Variants in PAX2 observed in about 807,000 individuals in gnomAD.
PAX2 encodes paired box protein Pax-2.
In PAX2, 9 loss-of-function variants were observed where a neutral mutation model predicts 41.7. That is an observed-to-expected ratio of 0.22 (90% confidence interval 0.13 to 0.38). The LOEUF (loss-of-function observed/expected upper bound fraction) is 0.38, where lower values mean the gene tolerates loss of function less well. Ranked by LOEUF, PAX2 falls within the 10% of genes least tolerant of loss-of-function variation. PAX2 has a pLI of 1.00. For missense variants in PAX2, 418 were observed against 531.6 expected (o/e 0.79, Z 2.10); for synonymous variants, 221 against 212.7 (o/e 1.04, Z -0.34).
chr10:100,737,701 CTT>C (rs1159169803), intron 1 of PAX2, among the ~76,000 whole-genome samples: 2 of 152,258 alleles, frequency 1.3e-5, no homozygotes, highest in Non-Finnish European at 2.9e-5. Context: ...TCCCTCATCT[CTT>C]CGGTAGCCAC....
intron 1 of PAX2, among the ~76,000 whole-genome samples, chr10:100,739,283 C>G (rs1844870879): frequency 6.6e-6 from 1 of 152,206 alleles, no homozygotes; most frequent in South Asian, 2.1e-4. Context: ...GGTCCTTTGT[C>G]TCCAGCCACC....
In PAX2 at chr10:100,824,905, C is replaced by T; in HGVS notation, c.1021+156C>T. On this transcript the variant is annotated intron_variant, in intron 8 of 9. Coordinates refer to ENST00000355243, the MANE Select transcript of PAX2 (RefSeq NM_000278.5). The surrounding 1 kb of genome is among the most constrained non-coding windows in gnomAD (Gnocchi z 6.6). ...TTCTGTCCCTCTCTCTCCTTAGAGG[C>T]TGCAGTTGGTCCCTCATCCTCCCTC... is the stretch of plus-strand genomic sequence containing the variant. 4 of 1,613,566 alleles carry T rather than the reference C, an allele frequency of 2.5e-6. No individual in the cohort carries two copies. The highest frequency in any genetic ancestry group is 2.5e-6 in the Non-Finnish European group (3 of 1,179,444).
intron 5 of PAX2, among the ~76,000 whole-genome samples, chr10:100,801,111 T>C (rs1847547515): frequency 6.6e-6 from 1 of 152,176 alleles, no homozygotes; most frequent in South Asian, 2.1e-4. Flanking sequence ...GCAGCCACTC[T>C]GTCCGTCTAT....
chr10:100,739,004 C>T (rs1460518447), intron 1 of PAX2, among the ~76,000 whole-genome samples: 15 of 129,450 alleles, frequency 1.2e-4, no homozygotes, highest in Non-Finnish European at 2.0e-4. Context: ...CCGTCGCGCG[C>T]GCGCACGCGG....
chr10:100,821,528 C>G (rs2133979323), intron 7 of PAX2, among the ~76,000 whole-genome samples: 1 of 152,382 alleles, frequency 6.6e-6, no homozygotes, highest in South Asian at 2.1e-4. Flanking sequence ...GCCTTTCAAT[C>G]AGCTGTTCAG....
At chr10:100,808,639 C>T (rs1405487356) in intron 6 of PAX2, among the ~76,000 whole-genome samples, 1 of 151,998 alleles carries the variant, frequency 6.6e-6, no homozygotes, top group African/African-American at 2.4e-5. Flanking sequence ...GCCCATGGGG[C>T]TGTCATTGTT....
At chr10:100,786,710 C>T (rs571480494) in intron 5 of PAX2, among the ~76,000 whole-genome samples, 1 of 152,170 alleles carries the variant, frequency 6.6e-6, no homozygotes, top group Non-Finnish European at 1.5e-5. Context: ...ATCACCCTAC[C>T]TTCTGCTGAT....
At chr10:100,780,633 A>G (rs1156686149) in intron 4 of PAX2, among the ~76,000 whole-genome samples, 1 of 152,208 alleles carries the variant, frequency 6.6e-6, no homozygotes, top group African/African-American at 2.4e-5. Flanking sequence ...GGAGTTTCTC[A>G]AGTGATTTCA....
chr10:100,789,662 G>A (rs985196966), intron 5 of PAX2, among the ~76,000 whole-genome samples: 2 of 152,136 alleles, frequency 1.3e-5, no homozygotes, highest in Admixed American at 6.5e-5. Context: ...GTCCAAGAAA[G>A]AGCTGAGGTT....
chr10:100,791,383 C>T lies in PAX2; in HGVS notation c.616+10018C>T, dbSNP rs368805979. 9.2e-5 allele frequency among the ~76,000 whole-genome samples: 14 copies of T among 152,256 alleles called. No homozygotes were observed. The East Asian group carries it at 1.7e-3, about 19-fold the overall frequency. On this transcript the variant is annotated intron_variant, in intron 5 of 9. Transcript: ENST00000355243. This position sits in a 1 kb window ranked among gnomAD's most constrained non-coding sequence, Gnocchi z 4.5. ...ATGTGTGTACATGTGTATGTGTGTGCATGTGTGTAAGGTTGGGGTACACAC... is the reference window on the plus strand; with the variant it reads ...ATGTGTGTACATGTGTATGTGTGTGTATGTGTGTAAGGTTGGGGTACACAC...
At position 100,745,873 on chromosome 10, in the gene PAX2, G is replaced by T; in HGVS notation, c.-388G>T. 9.6e-7 allele frequency: 1 copy of T among 1,043,728 alleles called. No homozygotes were observed. The allele number at this position is 1,043,728 out of a possible 1,614,324, so 64.7% of individuals were successfully genotyped here. A position where few individuals can be genotyped will look rare whatever the true frequency, so the allele number is the denominator to read the frequency against. ...CCGCCCCGCGCGCTCTCCGACCACCGCCTCTCGGATGACCAGGTTCCAGGG... is the reference window on the plus strand; with the variant it reads ...CCGCCCCGCGCGCTCTCCGACCACCTCCTCTCGGATGACCAGGTTCCAGGG... On this transcript the variant is annotated 5_prime_UTR_variant, in exon 1 of 10. Transcript: ENST00000355243.
At chr10:100,771,518 G>A (rs78664729) in intron 3 of PAX2, among the ~76,000 whole-genome samples, 2,844 of 152,286 alleles carry the variant, frequency 0.019, 91 homozygotes, top group African/African-American at 0.061. Flanking sequence ...GTGGAGAGGA[G>A]GAAGTAAATT....
rs1192292082 is a variant in PAX2, at chr10:100,746,322, C to G, written c.43+19C>G. The G allele has an allele frequency of 1.3e-6, 2 of 1,534,358 alleles. No individual in the cohort carries two copies. The highest frequency in any genetic ancestry group is 3.3e-5 in the Admixed American group (2 of 59,906). On this transcript the variant is annotated intron_variant, in intron 1 of 9. Transcript: ENST00000355243. ...ATGCACCGTGAGTACCGGCGCCCGGCTCCTGTCCCGGCTCGGGGCTCTCCG... is the reference window on the plus strand; with the variant it reads ...ATGCACCGTGAGTACCGGCGCCCGGGTCCTGTCCCGGCTCGGGGCTCTCCG...
chr10:100,756,458 A>T, intron 3 of PAX2, among the ~76,000 whole-genome samples: 1 of 152,232 alleles, frequency 6.6e-6, no homozygotes, highest in Non-Finnish European at 1.5e-5. Context: ...AAGTACCCAA[A>T]CAACCATTCT....
At chr10:100,814,036 G>A (rs1396340084) in intron 7 of PAX2, among the ~76,000 whole-genome samples, 2 of 152,136 alleles carry the variant, frequency 1.3e-5, no homozygotes, top group Non-Finnish European at 2.9e-5. Context: ...TATAAACTCA[G>A]CATGTTTAAT....
intron 7 of PAX2, among the ~76,000 whole-genome samples, chr10:100,809,547 G>A (rs776419640): frequency 1.3e-5 from 2 of 152,190 alleles, no homozygotes; most frequent in African/African-American, 2.4e-5. Flanking sequence ...CCAGAATCAT[G>A]AGCCTCTTGT....
intron 5 of PAX2, among the ~76,000 whole-genome samples, chr10:100,800,197 T>C (rs1847504296): frequency 6.6e-6 from 1 of 152,220 alleles, no homozygotes; most frequent in Non-Finnish European, 1.5e-5. Context: ...TAGACTTTGA[T>C]GAGCCTTGGT....
chr10:100,813,657 G>A (rs1848080267), intron 7 of PAX2, among the ~76,000 whole-genome samples: 1 of 152,206 alleles, frequency 6.6e-6, no homozygotes, highest in Non-Finnish European at 1.5e-5. Flanking sequence ...GGGGCAGAAT[G>A]GAAGGTCACC....
chr10:100,813,227 C>T lies in PAX2; in HGVS notation c.919+3991C>T, dbSNP rs538304742. Among the ~76,000 whole-genome samples, 116 of 152,338 alleles carry T rather than the reference C, an allele frequency of 7.6e-4. No homozygotes were observed. The Middle Eastern group carries it at 0.01, about 13-fold the overall frequency. On this transcript the variant is annotated intron_variant, in intron 7 of 9. Transcript: ENST00000355243. ...ACTGGCCTCTAGTGGGCATTGCTGC[C>T]GCGCACTGGCAGAGCCTTGAGCAAG...
Sources: gnomAD v4.1 joint callset for allele counts (sites outside exome capture counted in the v4.1 genomes callset) on GRCh38, gnomAD v4.1.1 for gene constraint, Gnocchi (gnomAD v3.1) non-coding constraint, MANE v1.5 for transcripts, NCBI Gene and HGNC (gene_info 2026-07-23, HGNC 2026-07-21) for gene names.